The following ZC3H12B variants were observed in gnomAD, a reference collection of about 807,000 sequenced individuals.
ZC3H12B encodes the protein zinc finger CCCH-type containing 12B.
In ZC3H12B, 7 loss-of-function variants were observed where a neutral mutation model predicts 43.9. That is an observed-to-expected ratio of 0.16 (90% CI 0.09 to 0.30). ZC3H12B has a LOEUF of 0.30. ZC3H12B is among the 10% of genes least tolerant of loss of function. The pLI, the probability that ZC3H12B is intolerant of heterozygous loss-of-function variation, is 1.00. For synonymous variants in ZC3H12B, 222 were observed against 241.7 expected (o/e 0.92, Z 0.76); for missense variants, 475 against 670.2 (o/e 0.71, Z 3.22).
At chrX:65,168,440 G>A in the ZC3H12B span, among the ~76,000 whole-genome samples, 5 of 111,161 alleles carry the variant, frequency 4.5e-5, no homozygotes, top group African/African-American at 1.6e-4. Flanking sequence ...CAGTTTGCCA[G>A]TATTTTATTG....
chrX:65,407,143 A>G (rs978851285), intron 3 of ZC3H12B, among the ~76,000 whole-genome samples: 2 of 113,048 alleles, frequency 1.8e-5, no homozygotes, highest in African/African-American at 6.4e-5. Flanking sequence ...GGAAGAAAAG[A>G]AAGAAGACTG....
At chrX:65,184,660 G>A in the ZC3H12B span, among the ~76,000 whole-genome samples, 2 of 111,551 alleles carry the variant, frequency 1.8e-5, no homozygotes, top group Admixed American at 9.6e-5. Flanking sequence ...AACTGTTGAA[G>A]TGTACTTGAG....
At chrX:65,288,906 C>G in the ZC3H12B span, among the ~76,000 whole-genome samples, 1 of 110,908 alleles carries the variant, frequency 9.0e-6, no homozygotes, top group African/African-American at 3.3e-5. Flanking sequence ...TTACAAGATA[C>G]AAAATCAACA....
At chrX:65,378,197 A>T (rs2066375614) in intron 2 of ZC3H12B, among the ~76,000 whole-genome samples, 1 of 112,047 alleles carries the variant, frequency 8.9e-6, no homozygotes, top group South Asian at 3.7e-4. Context: ...GTGGCTTGTA[A>T]ACTTCCCCAT....
chrX:65,459,828 A>G (rs2067706289), intron 3 of ZC3H12B, among the ~76,000 whole-genome samples: 1 of 111,676 alleles, frequency 9.0e-6, no homozygotes, highest in Non-Finnish European at 1.9e-5. Flanking sequence ...CACCACTCCT[A>G]TTCAACATAG....
chrX:65,205,410 A>G, the ZC3H12B span, among the ~76,000 whole-genome samples: 5 of 112,029 alleles, frequency 4.5e-5, no homozygotes, highest in Admixed American at 9.5e-5. Context: ...CAACATAAAT[A>G]GAATTAAAAA....
the ZC3H12B span, among the ~76,000 whole-genome samples, chrX:65,228,838 A>T: frequency 9.0e-6 from 1 of 111,563 alleles, no homozygotes; most frequent in Admixed American, 9.5e-5. Context: ...GACGTGAAGG[A>T]CCTCTTCAAG....
chrX:65,165,763 C>T, the ZC3H12B span, among the ~76,000 whole-genome samples: 4 of 112,112 alleles, frequency 3.6e-5, no homozygotes, highest in Non-Finnish European at 7.5e-5. Context: ...CATAAATGTG[C>T]ATGTGTCTTT....
At chrX:65,068,821 C>T in the ZC3H12B span, among the ~76,000 whole-genome samples, 501 of 110,898 alleles carry the variant, frequency 4.5e-3, 4 homozygotes, top group African/African-American at 0.016. Flanking sequence ...TTGATGAAAC[C>T]TCTCATCTTT....
the ZC3H12B span, among the ~76,000 whole-genome samples, chrX:65,104,358 G>A: frequency 1.8e-5 from 2 of 111,896 alleles, no homozygotes; most frequent in African/African-American, 3.2e-5. Context: ...CATGGGCAAA[G>A]ACTTCATGAC....
At chrX:65,249,342 C>T in the ZC3H12B span, among the ~76,000 whole-genome samples, 1 of 111,910 alleles carries the variant, frequency 8.9e-6, no homozygotes, top group Non-Finnish European at 1.9e-5. Context: ...CCTATCCCTA[C>T]TTTATGTTTT....
the ZC3H12B span, among the ~76,000 whole-genome samples, chrX:65,071,189 C>T: frequency 9.1e-6 from 1 of 109,361 alleles, no homozygotes; most frequent in African/African-American, 3.3e-5. Context: ...TAAGTTGTAC[C>T]CTTTACCATT....
the ZC3H12B span, among the ~76,000 whole-genome samples, chrX:65,078,876 C>G: frequency 1.8e-5 from 2 of 111,749 alleles, no homozygotes; most frequent in Non-Finnish European, 3.8e-5. Context: ...TTAAAACAAT[C>G]CAATTATACT....
At chrX:65,206,124 A>T in the ZC3H12B span, among the ~76,000 whole-genome samples, 1 of 112,068 alleles carries the variant, frequency 8.9e-6, no homozygotes, top group African/African-American at 3.2e-5. Context: ...TTGAAGCAAG[A>T]TACAACCATT....
chrX:65,138,601 C>T, the ZC3H12B span, among the ~76,000 whole-genome samples: 5 of 111,814 alleles, frequency 4.5e-5, no homozygotes, highest in Admixed American at 9.5e-5. Flanking sequence ...TTCACATATA[C>T]CCAGCAGTAG....
the ZC3H12B span, among the ~76,000 whole-genome samples, chrX:65,269,123 G>A: frequency 9.0e-6 from 1 of 111,085 alleles, no homozygotes; most frequent in African/African-American, 3.3e-5. Context: ...GAGGTGGGTG[G>A]ATCACAAGGT....
the ZC3H12B span, among the ~76,000 whole-genome samples, chrX:65,242,359 C>A: frequency 1.8e-5 from 2 of 111,551 alleles, no homozygotes; most frequent in Non-Finnish European, 3.8e-5. Flanking sequence ...AGTGAACAGT[C>A]AGAAAAACCA....
intron 3 of ZC3H12B, among the ~76,000 whole-genome samples, chrX:65,448,937 A>AAAAGAAAGAAAG (rs1270686619): frequency 7.5e-5 from 2 of 26,805 alleles, no homozygotes; most frequent in Admixed American, 5.3e-4. Context: ...AAAGAGAAGG[A>AAAAGAAAGAAAG]AAAGAAAGAA....
the ZC3H12B span, among the ~76,000 whole-genome samples, chrX:65,347,209 G>T: frequency 1.4e-4 from 16 of 111,347 alleles, no homozygotes; most frequent in Non-Finnish European, 2.8e-4. Context: ...TGTGACAGAG[G>T]GGCCTGACTT....
Sources: allele counts gnomAD v4.1 joint callset (sites outside exome capture counted in the v4.1 genomes callset), GRCh38; gene constraint gnomAD v4.1.1; transcripts MANE v1.5; gene names NCBI Gene and HGNC (gene_info 2026-07-23, HGNC 2026-07-21).